Variants in PIK3C2G observed in about 807,000 individuals in gnomAD.
PIK3C2G encodes phosphatidylinositol-4-phosphate 3-kinase catalytic subunit type 2 gamma.
Under a neutral mutation model 181.1 loss-of-function variants are expected in PIK3C2G, and 168 were observed. The observed-to-expected ratio is 0.93, with a 90% CI of 0.82 to 1.05. The LOEUF (loss-of-function observed/expected upper bound fraction) is 1.05. PIK3C2G is among the 50% of genes least tolerant of loss of function. The pLI, the probability that PIK3C2G is intolerant of heterozygous loss-of-function variation, is 0.00. For synonymous variants in PIK3C2G, 573 were observed against 592.2 expected (o/e 0.97, Z 0.47); for missense variants, 1,869 against 1,732.8 (o/e 1.08, Z -1.40).
At chr12:18,493,135 CT>C (rs1338683171) in intron 20 of PIK3C2G, 2 of 152,220 alleles carry the variant, frequency 1.3e-5, no homozygotes, top group African/African-American at 4.8e-5. Flanking sequence ...CAACAGAAAC[CT>C]TATCAACTAC....
chr12:18,330,164 T>G (rs1270381159), intron 8 of PIK3C2G, among the ~76,000 whole-genome samples: 5 of 152,140 alleles, frequency 3.3e-5, no homozygotes, highest in African/African-American at 1.2e-4. Context: ...TCACTTTTCT[T>G]AAAGTTTAAT....
chr12:18,473,113 T>C (rs931221161), intron 18 of PIK3C2G, among the ~76,000 whole-genome samples: 2 of 152,268 alleles, frequency 1.3e-5, no homozygotes, highest in African/African-American at 2.4e-5. Flanking sequence ...CCTACTGCCC[T>C]CTCAGTAGGG....
chr12:18,620,475 A>G (rs575044362), intron 31 of PIK3C2G, among the ~76,000 whole-genome samples: 1 of 152,144 alleles, frequency 6.6e-6, no homozygotes, highest in Non-Finnish European at 1.5e-5. Flanking sequence ...GTGTCTTTAC[A>G]TTTAAAGTGG....
intron 17 of PIK3C2G, 38 bp from the exon 18 acceptor site, chr12:18,423,907 G>C: frequency 7.8e-7 from 1 of 1,288,020 alleles, no homozygotes; most frequent in Non-Finnish European, 1.1e-6. Context: ...CTATAATTTT[G>C]TTACTGAGAA....
At chr12:18,588,659 C>A (rs1946914194) in intron 29 of PIK3C2G, among the ~76,000 whole-genome samples, 1 of 151,938 alleles carries the variant, frequency 6.6e-6, no homozygotes, top group African/African-American at 2.4e-5. Context: ...TAAATTAGTC[C>A]AGCCCATTGT....
chr12:18,457,553 A>T (rs2135920810), intron 18 of PIK3C2G, among the ~76,000 whole-genome samples: 1 of 152,176 alleles, frequency 6.6e-6, no homozygotes, highest in Middle Eastern at 3.4e-3. Context: ...CACTCCAAAA[A>T]TTTCCCTTGG....
intron 18 of PIK3C2G, among the ~76,000 whole-genome samples, chr12:18,428,954 C>T (rs1945995805): frequency 6.6e-6 from 1 of 152,164 alleles, no homozygotes; most frequent in Non-Finnish European, 1.5e-5. Context: ...AACACTTTAA[C>T]CACTAGTCAA....
chr12:18,369,420 A>ATATAACGATCG (rs1941874279), intron 12 of PIK3C2G, among the ~76,000 whole-genome samples: 1 of 151,996 alleles, frequency 6.6e-6, no homozygotes, highest in African/African-American at 2.4e-5. Context: ...TATAATGATC[A>ATATAACGATCG]TATAATTGAC....
At chr12:18,456,002 G>C (rs536214740) in intron 18 of PIK3C2G, among the ~76,000 whole-genome samples, 1 of 152,162 alleles carries the variant, frequency 6.6e-6, no homozygotes, top group East Asian at 1.9e-4. Context: ...GGAGTTCCCA[G>C]AAGTTATTCA....
chr12:18,534,399 C>T (rs765014840), intron 24 of PIK3C2G, among the ~76,000 whole-genome samples: 1 of 151,956 alleles, frequency 6.6e-6, no homozygotes, highest in Non-Finnish European at 1.5e-5. Context: ...AATAATCACT[C>T]TCTGCATTTA....
At chr12:18,496,226 ATTG>A (rs1941000929) in intron 21 of PIK3C2G, 72 bp downstream of exon 21, 14 of 905,416 alleles carry the variant, frequency 1.5e-5, no homozygotes, top group Non-Finnish European at 1.7e-6. Flanking sequence ...ACAAAAAGAA[ATTG>A]TTGTGGCTAT....
At chr12:18,635,633 C>T (rs1407592751) in intron 31 of PIK3C2G, among the ~76,000 whole-genome samples, 1 of 152,190 alleles carries the variant, frequency 6.6e-6, no homozygotes, top group Admixed American at 6.5e-5. Context: ...ACCATAGGGA[C>T]TTGCAAAGCC....
chr12:18,612,704 G>T (rs577591226), intron 31 of PIK3C2G, among the ~76,000 whole-genome samples: 17 of 152,018 alleles, frequency 1.1e-4, no homozygotes, highest in African/African-American at 4.1e-4. Context: ...GTTATTTGTC[G>T]ATCCTTTAGT....
intron 16 of PIK3C2G, among the ~76,000 whole-genome samples, chr12:18,414,582 A>G (rs1945065590): frequency 6.6e-6 from 1 of 152,130 alleles, no homozygotes; most frequent in African/African-American, 2.4e-5. Context: ...TTAACTATTA[A>G]TTTTTAGACA....
rs1948959747 is a variant in PIK3C2G, at chr12:18,623,547, G to C, written c.4182+13918G>C. On this transcript the variant is annotated intron_variant, in intron 31 of 32. Transcript: ENST00000538779. ...TTTTTGTGGTTCCACGTGAATTTTAGGATTCCTTTTTTTCTATATCTATGA... is the reference window on the plus strand; with the variant it reads ...TTTTTGTGGTTCCACGTGAATTTTACGATTCCTTTTTTTCTATATCTATGA... Among the ~76,000 whole-genome samples the C allele has an allele frequency of 2.0e-5, 3 of 151,626 alleles. No individual in the cohort carries two copies. In the South Asian group the frequency reaches 6.2e-4, roughly 31 times the overall value.
chr12:18,343,494 A>C, intron 10 of PIK3C2G, 134 bp downstream of exon 10: 46 of 411,212 alleles, frequency 1.1e-4, no homozygotes, highest in South Asian at 3.5e-4. Flanking sequence ...CACACACACG[A>C]GCTTTTTGAG....
intron 25 of PIK3C2G, among the ~76,000 whole-genome samples, chr12:18,545,040 C>T (rs1479145262): frequency 6.6e-6 from 1 of 151,846 alleles, no homozygotes; most frequent in South Asian, 2.1e-4. Flanking sequence ...AAATCTCTTA[C>T]TCTCATGTTA....
At chr12:18,397,877 T>C (rs1943991136) in intron 15 of PIK3C2G, among the ~76,000 whole-genome samples, 1 of 151,934 alleles carries the variant, frequency 6.6e-6, no homozygotes, top group South Asian at 2.1e-4. Flanking sequence ...CAAATGTCCA[T>C]CAAATAGGAG....
the PIK3C2G span, among the ~76,000 whole-genome samples, chr12:18,705,954 T>C: frequency 5.6e-4 from 80 of 144,124 alleles, no homozygotes; most frequent in Middle Eastern, 4.4e-3. Context: ...AGGACGAGCA[T>C]GGTGGCTCAC....
Sources: allele counts gnomAD v4.1 joint callset (sites outside exome capture counted in the v4.1 genomes callset), GRCh38; gene constraint gnomAD v4.1.1; transcripts MANE v1.5; gene names NCBI Gene and HGNC (gene_info 2026-07-23, HGNC 2026-07-21).